NOVA1: variants seen among roughly 807,000 people sequenced by gnomAD.
NOVA1 encodes the protein RNA-binding protein Nova-1.
Under a neutral mutation model 38.0 loss-of-function variants are expected in NOVA1, and 7 were observed. That is an observed-to-expected ratio of 0.18 (90% confidence interval 0.10 to 0.35). The LOEUF (loss-of-function observed/expected upper bound fraction) is 0.35, where lower values mean the gene tolerates loss of function less well. NOVA1 is among the 10% of genes least tolerant of loss of function. The probability of loss-of-function intolerance (pLI) is 1.00; values close to 1 mark genes in which losing one functional copy is unlikely to be tolerated. For synonymous variants in NOVA1, 270 were observed against 232.5 expected (o/e 1.16, Z -1.47); for missense variants, 460 against 616.0 (o/e 0.75, Z 2.68).
chr14:26,472,211 C>G (rs755186707), intron 4 of NOVA1, 109 bp downstream of exon 4: 7 of 711,022 alleles, frequency 9.8e-6, no homozygotes, highest in South Asian at 8.0e-5. Flanking sequence ...GACTATGGTG[C>G]ATATATGTGA....
At position 26,447,983 on chromosome 14, in the gene NOVA1, A is replaced by G. The variant is rs1030705607; in HGVS notation, c.1500T>C (p.Ala500=). The change falls in exon 5 of 5, where the codon GCT becomes GCC. Residue 500 remains alanine, a synonymous_variant. Coordinates refer to ENST00000539517, the MANE Select transcript of NOVA1 (RefSeq NM_002515.3). ...QRITYEQGVR[A]ANPQKVG ...CTCAACCCACTTTCTGAGGATTGGC[A>G]GCCCGAACTCCTTGCTCATATGTGA... is the stretch of plus-strand genomic sequence containing the variant. 9.3e-6 allele frequency: 15 copies of G among 1,613,982 alleles called. No individual in the cohort carries two copies. The highest frequency in any genetic ancestry group is 1.2e-5 in the Non-Finnish European group (14 of 1,179,966).
At position 26,508,598 on chromosome 14, in the gene NOVA1, A is replaced by G. The variant is rs1162495168; in HGVS notation, c.281-28455T>C. Among the ~76,000 whole-genome samples the G allele has an allele frequency of 3.3e-5, 5 of 151,692 alleles. No homozygotes were observed. In the East Asian group the frequency reaches 9.7e-4, roughly 29 times the overall value. On this transcript the variant is annotated intron_variant, in intron 2 of 4. Transcript: ENST00000539517. ...CACACCATTTATCCGCATACACTTAAGCATACTTCACACTAGACAATGTAA... is the reference window on the plus strand; with the variant it reads ...CACACCATTTATCCGCATACACTTAGGCATACTTCACACTAGACAATGTAA...
At position 26,449,016 on chromosome 14, in the gene NOVA1, T is replaced by C. The variant is rs1882385880; in HGVS notation, c.520-53A>G. 3 of 1,453,214 alleles carry C rather than the reference T, an allele frequency of 2.1e-6. No homozygotes were observed. The South Asian group carries it at 4.1e-5, about 20-fold the overall frequency. The allele number at this position is 1,453,214 out of a possible 1,614,324, so 90.0% of individuals were successfully genotyped here. Reference sequence around the variant, plus strand: ...AATACTTCTGTTTTGTGCATATACATTATATTACTTTGCTATCCTAGAAAA... The same window carrying C: ...AATACTTCTGTTTTGTGCATATACACTATATTACTTTGCTATCCTAGAAAA... On this transcript the variant is annotated intron_variant, in intron 4 of 4. Transcript: ENST00000539517.
intron 2 of NOVA1, among the ~76,000 whole-genome samples, chr14:26,481,850 G>A (rs1189996413): frequency 6.6e-6 from 1 of 152,030 alleles, no homozygotes; most frequent in East Asian, 1.9e-4. Context: ...GATAGGAACT[G>A]ATCAATGTAG....
At chr14:26,449,025 T>C in intron 4 of NOVA1, 62 bp from the exon 5 acceptor site, 5 of 1,414,754 alleles carry the variant, frequency 3.5e-6, no homozygotes, top group Non-Finnish European at 3.8e-6. Flanking sequence ...ATTATATTAC[T>C]TTGCTATCCT....
intron 2 of NOVA1, among the ~76,000 whole-genome samples, chr14:26,560,452 A>G (rs1415042805): frequency 3.3e-5 from 5 of 152,148 alleles, no homozygotes; most frequent in Non-Finnish European, 7.4e-5. Context: ...TTCCTCAATT[A>G]ATAGAAGAAT....
intron 2 of NOVA1, among the ~76,000 whole-genome samples, chr14:26,521,834 A>G (rs1473077528): frequency 6.6e-6 from 1 of 152,098 alleles, no homozygotes; most frequent in Non-Finnish European, 1.5e-5. Context: ...ACAAGAGAAA[A>G]TAAATTTCTG....
In NOVA1 at chr14:26,577,344, AC is replaced by A. The variant is rs369213227; in HGVS notation, c.280+18065del. ...AATTTCCTACAGGGTTCCCTATAAC[AC>A]AAAATTAAACATGAATCTAGATTTC... On this transcript the variant is annotated intron_variant, in intron 2 of 4. Transcript: ENST00000539517. Among the ~76,000 whole-genome samples the A allele has an allele frequency of 3.3e-3, 507 of 152,200 alleles. 2 individuals are homozygous for A. The highest frequency in any genetic ancestry group is 0.012 in the African/African-American group (487 of 41,560).
At chr14:26,517,148 G>A (rs1340752801) in intron 2 of NOVA1, among the ~76,000 whole-genome samples, 6 of 151,834 alleles carry the variant, frequency 4.0e-5, no homozygotes, top group East Asian at 3.9e-4. Context: ...CTTGTGATCC[G>A]CCTGCCTCGG....
At position 26,446,010 on chromosome 14, in the gene NOVA1, GATAA is replaced by G. The variant is rs879598990; in HGVS notation, c.*1945_*1948del. The G allele has an allele frequency of 2.0e-5, 3 of 152,448 alleles. No homozygotes were observed. Among genetic ancestry groups the G allele is most frequent in the South Asian group, 2.1e-4 (1 of 4,824 alleles). The allele number at this position is 152,448 out of a possible 1,614,324, so 9.4% of individuals were successfully genotyped here. On this transcript the variant is annotated 3_prime_UTR_variant, in exon 5 of 5. Transcript: ENST00000539517. Reference sequence around the variant, plus strand: ...ACTTACACAGCTACAGAGTATCGACGATAAATAGTCATTACCAATTAACACAGTT... The same window carrying G: ...ACTTACACAGCTACAGAGTATCGACGATAGTCATTACCAATTAACACAGTT...
intron 2 of NOVA1, among the ~76,000 whole-genome samples, chr14:26,543,414 A>C (rs1188226640): frequency 6.6e-6 from 1 of 152,010 alleles, no homozygotes; most frequent in African/African-American, 2.4e-5. Context: ...ATCAATAAGT[A>C]AGTCAGTGGC....
intron 2 of NOVA1, among the ~76,000 whole-genome samples, chr14:26,515,716 T>C (rs904617346): frequency 3.3e-5 from 5 of 152,074 alleles, no homozygotes; most frequent in Non-Finnish European, 5.9e-5. Flanking sequence ...GGTTACGTTA[T>C]TGACTTTTCA....
At chr14:26,502,713 T>C (rs570602405) in intron 2 of NOVA1, among the ~76,000 whole-genome samples, 38 of 151,964 alleles carry the variant, frequency 2.5e-4, no homozygotes, top group African/African-American at 8.9e-4. Flanking sequence ...AGTTCAAACA[T>C]AAACAATTGG....
chr14:26,524,858 AG>A (rs1216580844), intron 2 of NOVA1, among the ~76,000 whole-genome samples: 1 of 152,204 alleles, frequency 6.6e-6, no homozygotes, highest in African/African-American at 2.4e-5. Context: ...AATTTTTTAA[AG>A]GTATCAATAT....
At chr14:26,565,765 T>G (rs1419859254) in intron 2 of NOVA1, among the ~76,000 whole-genome samples, 5 of 152,258 alleles carry the variant, frequency 3.3e-5, no homozygotes, top group Non-Finnish European at 7.4e-5. Context: ...ATTCTCTCAT[T>G]TATTAGTTTT....
At chr14:26,525,141 T>G (rs1042170863) in intron 2 of NOVA1, among the ~76,000 whole-genome samples, 7 of 152,272 alleles carry the variant, frequency 4.6e-5, no homozygotes, top group Admixed American at 4.6e-4. Flanking sequence ...ATTTCAACTC[T>G]TACCCAAATA....
intron 2 of NOVA1, among the ~76,000 whole-genome samples, chr14:26,511,736 G>C (rs1421764053): frequency 6.6e-6 from 1 of 151,580 alleles, no homozygotes; most frequent in Non-Finnish European, 1.5e-5. Context: ...TGGTGACAGA[G>C]TGAGACTGTG....
At chr14:26,578,980 A>G (rs1216877735) in intron 2 of NOVA1, among the ~76,000 whole-genome samples, 2 of 149,846 alleles carry the variant, frequency 1.3e-5, no homozygotes, top group Non-Finnish European at 3.0e-5. Context: ...CTATTTAATC[A>G]TTCTGGAATT....
chr14:26,595,473 C>T lies in NOVA1; in HGVS notation c.217G>A (p.Val73Ile), dbSNP rs1182911817. The T allele has an allele frequency of 1.2e-6, 2 of 1,613,758 alleles. No homozygotes were observed. The highest frequency in any genetic ancestry group is 1.7e-6 in the Non-Finnish European group (2 of 1,179,864). ...GCTCCAGTTTCTTTTTGCAACTGAA[C>T]AATTGTCTGTCCTCCCTTCCCAATT... ...SIIGKGGQTI[V>I]QLQKETGATI... The change falls in exon 2 of 5, where the codon GTT becomes ATT. Residue 73 changes from valine to isoleucine, a missense_variant. By Grantham distance (29) the Val-to-Ile change is conservative (BLOSUM62 3). Coordinates refer to ENST00000539517, the MANE Select transcript of NOVA1 (RefSeq NM_002515.3).
Sources: gnomAD v4.1 joint callset for allele counts (sites outside exome capture counted in the v4.1 genomes callset) on GRCh38, gnomAD v4.1.1 for gene constraint, MANE v1.5 for transcripts, NCBI Gene and HGNC (gene_info 2026-07-23, HGNC 2026-07-21) for gene names.